Variants in CD96 observed in about 807,000 individuals in gnomAD.
The protein encoded by CD96 is T-cell surface protein tactile.
Under a neutral mutation model 71.3 loss-of-function variants are expected in CD96, and 70 were observed. That is an observed-to-expected ratio of 0.98 (90% CI 0.81 to 1.20). CD96 has a LOEUF of 1.20. Among genes scored for constraint, CD96 ranks in the 50% most tolerant of loss-of-function variants. The pLI is 0.00. For missense variants in CD96, 742 were observed against 677.5 expected, an observed-to-expected ratio of 1.10 and a Z score of -1.06; for synonymous variants, 248 against 233.0, an observed-to-expected ratio of 1.06 and a Z score of -0.59.
chr3:111,569,240 C>T (rs1341596595), intron 3 of CD96, among the ~76,000 whole-genome samples: 1 of 152,088 alleles, frequency 6.6e-6, no homozygotes, highest in Non-Finnish European at 1.5e-5. Flanking sequence ...GATAATTTTT[C>T]ACTGTCTAGG....
chr3:111,567,308 T>C (rs1935763278), intron 2 of CD96, among the ~76,000 whole-genome samples: 1 of 152,190 alleles, frequency 6.6e-6, no homozygotes, highest in Non-Finnish European at 1.5e-5. Flanking sequence ...TTCCTTGTAA[T>C]TTTTCAGTGT....
intron 12 of CD96, among the ~76,000 whole-genome samples, chr3:111,638,819 T>A (rs916425499): frequency 6.6e-6 from 1 of 152,216 alleles, no homozygotes; most frequent in Non-Finnish European, 1.5e-5. Context: ...GCACACGTCG[T>A]GGCAATAAAG....
chr3:111,584,198 C>T (rs1037347812), intron 4 of CD96, among the ~76,000 whole-genome samples: 1 of 152,214 alleles, frequency 6.6e-6, no homozygotes, highest in Non-Finnish European at 1.5e-5. Flanking sequence ...TTTGCTAAAA[C>T]ATAACAAGAG....
intron 12 of CD96, among the ~76,000 whole-genome samples, chr3:111,641,340 G>A (rs1320658260): frequency 6.6e-6 from 1 of 152,240 alleles, no homozygotes; most frequent in African/African-American, 2.4e-5. Context: ...AGCGAGCAGG[G>A]GTAGCTATTC....
At chr3:111,625,943 TA>T (rs2107717365) in intron 10 of CD96, among the ~76,000 whole-genome samples, 1 of 152,136 alleles carries the variant, frequency 6.6e-6, no homozygotes, top group African/African-American at 2.4e-5. Context: ...TAATAACAAA[TA>T]TGACAAAATA....
Position 111,647,682 on chromosome 3 carries a change from A to T in CD96, c.1601+16A>T. The T allele has an allele frequency of 6.4e-7, 1 of 1,571,626 alleles. No homozygotes were observed. Among genetic ancestry groups the T allele is most frequent in the Non-Finnish European group, 8.8e-7 (1 of 1,141,780 alleles). On this transcript the variant is annotated intron_variant, in intron 13 of 13. Transcript: ENST00000352690. Reference sequence around the variant, plus strand: ...AAAAAGAAATGTGAGTATAATACTAACATATGTAGGAACAGATTAATTTTT... The same window carrying T: ...AAAAAGAAATGTGAGTATAATACTATCATATGTAGGAACAGATTAATTTTT...
At chr3:111,556,269 A>G (rs768554077) in intron 2 of CD96, among the ~76,000 whole-genome samples, 31 of 72,828 alleles carry the variant, frequency 4.3e-4, no homozygotes, top group Admixed American at 6.8e-4. Context: ...TTAGTTACAT[A>G]TGTATACATG....
chr3:111,626,868 A>G (rs1417735000), intron 10 of CD96, among the ~76,000 whole-genome samples: 1 of 152,254 alleles, frequency 6.6e-6, no homozygotes, highest in Non-Finnish European at 1.5e-5. Flanking sequence ...GAAATTTTAA[A>G]GCAAGTATAA....
At chr3:111,594,100 C>T in intron 5 of CD96, 1 of 1,614,178 alleles carries the variant, frequency 6.2e-7, no homozygotes, top group Non-Finnish European at 8.5e-7. Context: ...AAGGGCCAAC[C>T]AGTTCTCCTG....
In CD96 at chr3:111,567,532, A is replaced by G; in HGVS notation, c.428A>G (p.Asp143Gly). The change falls in exon 3 of 14, where the codon GAT (aspartate) becomes GGT (glycine). Residue 143 changes from aspartate (D) to glycine (G), a missense_variant. Coordinates refer to ENST00000352690, the MANE Select transcript of CD96 (RefSeq NM_005816.5). ...NLLIQTHVTA[D>G]EWNSNHTIEI... Reference sequence around the variant, plus strand: ...TTATGTTTTGTTACAGTTACAGCAGATGAATGGAACAGCAACCATACGATA... The same window carrying G: ...TTATGTTTTGTTACAGTTACAGCAGGTGAATGGAACAGCAACCATACGATA... 6.2e-7 allele frequency: 1 copy of G among 1,607,126 alleles called. No homozygotes were observed. The highest frequency in any genetic ancestry group is 8.5e-7 in the Non-Finnish European group (1 of 1,173,848).
At chr3:111,584,376 A>C (rs1176595869) in intron 4 of CD96, among the ~76,000 whole-genome samples, 3 of 152,062 alleles carry the variant, frequency 2.0e-5, no homozygotes, top group African/African-American at 7.2e-5. Context: ...AGCCCTCCAA[A>C]CTGTTTCATC....
At chr3:111,586,146 T>C (rs1415109206) in intron 5 of CD96, among the ~76,000 whole-genome samples, 1 of 152,312 alleles carries the variant, frequency 6.6e-6, no homozygotes, top group East Asian at 1.9e-4. Context: ...TTAATAAACA[T>C]TATTGTTCTT....
chr3:111,577,966 A>G (rs540020438), intron 3 of CD96, among the ~76,000 whole-genome samples: 2 of 152,320 alleles, frequency 1.3e-5, no homozygotes, highest in African/African-American at 4.8e-5. Flanking sequence ...AGGCCAGTAG[A>G]TGTCAGCCCT....
intron 2 of CD96, among the ~76,000 whole-genome samples, chr3:111,553,230 C>G (rs537722870): frequency 6.6e-6 from 1 of 150,688 alleles, no homozygotes; most frequent in South Asian, 2.1e-4. Context: ...TTTGGAAATT[C>G]CCTTTTAATC....
chr3:111,619,563 A>G (rs1421212890), intron 8 of CD96, among the ~76,000 whole-genome samples: 1 of 152,256 alleles, frequency 6.6e-6, no homozygotes, highest in Non-Finnish European at 1.5e-5. Context: ...TTACTTGCCT[A>G]CATAGTATCT....
At chr3:111,586,064 A>G (rs1192843332) in intron 5 of CD96, among the ~76,000 whole-genome samples, 1 of 152,170 alleles carries the variant, frequency 6.6e-6, no homozygotes, top group Non-Finnish European at 1.5e-5. Flanking sequence ...GTATCTTCAC[A>G]TTGTTGCTGT....
chr3:111,615,347 GAGACAGGAGA>G (rs1263769035), intron 8 of CD96, among the ~76,000 whole-genome samples: 1 of 152,224 alleles, frequency 6.6e-6, no homozygotes, highest in African/African-American at 2.4e-5. Context: ...AACATGAAGG[GAGACAGGAGA>G]ATGCAGAAAA....
intron 14 of CD96, among the ~76,000 whole-genome samples, chr3:111,658,011 C>T (rs1382473828): frequency 6.6e-6 from 1 of 152,148 alleles, no homozygotes; most frequent in Non-Finnish European, 1.5e-5. Flanking sequence ...GAAAGATATC[C>T]CGGTAGCAAA....
Position 111,649,905 on chromosome 3 carries a change from T to G in CD96, c.*99T>G. 1 of 826,044 alleles carries G rather than the reference T, an allele frequency of 1.2e-6. No homozygotes were observed. The highest frequency in any genetic ancestry group is 2.5e-5 in the East Asian group (1 of 40,066). 51.2% of individuals were successfully genotyped at this position (826,044 alleles called of 1,614,324 possible). A position where few individuals can be genotyped will look rare whatever the true frequency, so the allele number is the denominator to read the frequency against. The stretch of plus-strand genomic sequence containing the variant: ...TATAGTCGCTCTTCAGCCATGCCTT[T>G]GCTGCAGCTGAAATGGAAGTCAGAA... On this transcript the variant is annotated 3_prime_UTR_variant, in exon 14 of 14. Coordinates refer to ENST00000352690, the MANE Select transcript of CD96 (RefSeq NM_005816.5).
Sources: gnomAD v4.1 joint callset for allele counts (sites outside exome capture counted in the v4.1 genomes callset) on GRCh38, gnomAD v4.1.1 for gene constraint, MANE v1.5 for transcripts, NCBI Gene and HGNC (gene_info 2026-07-23, HGNC 2026-07-21) for gene names.